MZT2A: variants seen among roughly 807,000 people sequenced by gnomAD.
MZT2A encodes the protein mitotic-spindle organizing protein 2A.
MZT2A carries 8 observed loss-of-function variants against 12.4 expected under a neutral mutation model. That is an observed-to-expected ratio of 0.64 (90% CI 0.38 to 1.16). The LOEUF is 1.16. Among genes scored for constraint, MZT2A ranks in the 50% most tolerant of loss-of-function variants. The pLI is 0.01. For missense variants in MZT2A, 181 were observed against 223.6 expected (o/e 0.81, Z 1.22); for synonymous variants, 88 against 107.5 (o/e 0.82, Z 1.12).
intron 2 of MZT2A, chr2:131,490,415 G>A (rs1165968343): frequency 1.1e-5 from 14 of 1,233,204 alleles, no homozygotes; most frequent in African/African-American, 9.2e-5. Context: ...CACTGCACCC[G>A]GCTGGCTGTC....
At chr2:131,485,165 C>G (rs13423230) in intron 2 of MZT2A, among the ~76,000 whole-genome samples, 8,390 of 152,238 alleles carry the variant, frequency 0.055, 772 homozygotes, top group African/African-American at 0.19. Context: ...CCCGTGGGCT[C>G]TAAACAGGGC....
chr2:131,485,481 A>T (rs901928716), intron 2 of MZT2A, among the ~76,000 whole-genome samples: 1 of 151,984 alleles, frequency 6.6e-6, no homozygotes, highest in Non-Finnish European at 1.5e-5. Context: ...CCTAGGCACA[A>T]CCTCTTTCCT....
chr2:131,480,820 C>G (rs1573862034), downstream of MZT2A: 4 of 1,561,326 alleles, frequency 2.6e-6, no homozygotes, highest in East Asian at 9.0e-5. Context: ...CCTGAAGGCC[C>G]ACATCCTTTG....
chr2:131,489,177 G>A (rs1436250954), intron 2 of MZT2A, among the ~76,000 whole-genome samples: 3 of 152,036 alleles, frequency 2.0e-5, no homozygotes, highest in African/African-American at 7.3e-5. Context: ...TCCATTGCTA[G>A]TGGTTTTTCT....
downstream of MZT2A, among the ~76,000 whole-genome samples, chr2:131,481,816 C>T (rs953244514): frequency 1.6e-4 from 25 of 152,166 alleles, no homozygotes; most frequent in African/African-American, 5.1e-4. Flanking sequence ...GATCTGCCCA[C>T]CTGTCTCCCA....
At chr2:131,477,488 G>A (rs2253445) in intron 2 of MZT2A, among the ~76,000 whole-genome samples, 1 of 152,042 alleles carries the variant, frequency 6.6e-6, no homozygotes, top group Non-Finnish European at 1.5e-5. Flanking sequence ...CCAAAAGTGT[G>A]GCCTTGAGAG....
chr2:131,481,694 C>A (rs547516375), downstream of MZT2A, among the ~76,000 whole-genome samples: 261 of 151,834 alleles, frequency 1.7e-3, no homozygotes, highest in Non-Finnish European at 3.1e-3. Context: ...CTTAGCCTCC[C>A]AAGTGCTGGA....
intron 3 of MZT2A, among the ~76,000 whole-genome samples, chr2:131,471,753 T>C (rs963444952): frequency 1.3e-5 from 2 of 151,190 alleles, no homozygotes; most frequent in Non-Finnish European, 2.9e-5. Context: ...TGGGCGGGGC[T>C]GGGGGAGTTG....
At chr2:131,476,650 T>C (rs1678682633) in intron 2 of MZT2A, among the ~76,000 whole-genome samples, 1 of 152,046 alleles carries the variant, frequency 6.6e-6, no homozygotes, top group Non-Finnish European at 1.5e-5. Flanking sequence ...AGGCAACCGT[T>C]AGGCCAGGCG....
downstream of MZT2A, chr2:131,482,426 C>T (rs548584971): frequency 2.0e-5 from 28 of 1,401,144 alleles, no homozygotes; most frequent in Admixed American, 2.7e-4. Flanking sequence ...GGCTTAGTGA[C>T]GTTTGTGAGG....
At chr2:131,474,405 C>CTTTTTT (rs70994777) in intron 2 of MZT2A, among the ~76,000 whole-genome samples, 34 of 94,808 alleles carry the variant, frequency 3.6e-4, no homozygotes, top group South Asian at 8.7e-4. Context: ...TCTTCTTCTT[C>CTTTTTT]TTTTTTTTTT....
At chr2:131,489,821 G>T in intron 2 of MZT2A, 1 of 946,370 alleles carries the variant, frequency 1.1e-6, no homozygotes, top group Non-Finnish European at 1.3e-6. Context: ...CTCACTGGTG[G>T]TTTTCCTCAC....
intron 2 of MZT2A, among the ~76,000 whole-genome samples, chr2:131,487,663 C>A (rs1263640628): frequency 1.3e-5 from 2 of 152,154 alleles, no homozygotes; most frequent in Non-Finnish European, 2.9e-5. Context: ...GCTATGTTGC[C>A]CAGGCTGGTC....
intron 2 of MZT2A, chr2:131,486,543 A>G (rs1229476017): frequency 6.6e-6 from 1 of 152,118 alleles, no homozygotes; most frequent in African/African-American, 2.4e-5. Context: ...TCCTCCCCTC[A>G]GTAGTGACCC....
intron 2 of MZT2A, among the ~76,000 whole-genome samples, chr2:131,474,715 A>G (rs1475191219): frequency 6.6e-6 from 1 of 151,556 alleles, no homozygotes; most frequent in Non-Finnish European, 1.5e-5. Flanking sequence ...TGACCCAATA[A>G]ATAGCTTACG....
chr2:131,492,920 C>G (rs1430370900), upstream of MZT2A: 32 of 1,513,836 alleles, frequency 2.1e-5, no homozygotes, highest in South Asian at 1.3e-4. Context: ...ACCACTCCCT[C>G]CCCCCGCACT....
chr2:131,478,036 G>A, intron 2 of MZT2A: 1 of 1,306,384 alleles, frequency 7.7e-7, no homozygotes, highest in Non-Finnish European at 1.0e-6. Context: ...ACCCTCCTAG[G>A]AAATATCGAT....
In MZT2A at chr2:131,492,247, C is replaced by G; in HGVS notation, c.130G>C (p.Ala44Pro). 3 of 1,586,010 alleles carry G rather than the reference C, an allele frequency of 1.9e-6. No individual in the cohort carries two copies. The highest frequency in any genetic ancestry group is 2.6e-6 in the Non-Finnish European group (3 of 1,172,680). Residue 44 changes from alanine (A) to proline (P), a missense_variant, in exon 1 of 3, where the codon GCT becomes CCT. Physicochemically the swap from Ala to Pro is conservative, Grantham distance 27. Transcript: ENST00000309451. ...STEEMELYEL[A>P]QAAGGGIDPD... ...TCGATACCGCCGCCCGCCGCCTGAG[C>G]CAGCTCGTACAGCTCCATCTCCTCG... is the stretch of plus-strand genomic sequence containing the variant.
At chr2:131,485,623 T>C (rs984754420) in intron 2 of MZT2A, among the ~76,000 whole-genome samples, 1 of 152,166 alleles carries the variant, frequency 6.6e-6, no homozygotes, top group Non-Finnish European at 1.5e-5. Flanking sequence ...TTGGAAAGGT[T>C]TGGGGCAGTC....
Sources: gnomAD v4.1 joint callset for allele counts (sites outside exome capture counted in the v4.1 genomes callset) on GRCh38, gnomAD v4.1.1 for gene constraint, MANE v1.5 for transcripts, NCBI Gene and HGNC (gene_info 2026-07-23, HGNC 2026-07-21) for gene names.